Variants in BLTP3B observed in about 807,000 individuals in gnomAD.
The protein encoded by BLTP3B is bridge-like lipid transfer protein family member 3B.
chr12:100,142,811 T>G, the BLTP3B span: 1 of 925,340 alleles, frequency 1.1e-6, no homozygotes, highest in Non-Finnish European at 1.5e-6. Context: ...ACCCGGAGCA[T>G]CACGCTCAGG....
At chr12:100,121,697 C>G in the BLTP3B span, among the ~76,000 whole-genome samples, 2 of 151,944 alleles carry the variant, frequency 1.3e-5, no homozygotes. Flanking sequence ...GGCGTGGTGG[C>G]GCCCGCCTAT....
the BLTP3B span, among the ~76,000 whole-genome samples, chr12:100,106,020 A>G: frequency 1.1e-4 from 17 of 152,328 alleles, no homozygotes; most frequent in African/African-American, 3.8e-4. Context: ...ACCTTTTTCC[A>G]GCCAGAATGG....
chr12:100,043,368 C>T, the BLTP3B span, among the ~76,000 whole-genome samples: 1 of 152,166 alleles, frequency 6.6e-6, no homozygotes, highest in Non-Finnish European at 1.5e-5. Context: ...ACTTGTTTTG[C>T]CAGCCTTGCC....
At chr12:100,075,159 G>A in the BLTP3B span, among the ~76,000 whole-genome samples, 14 of 151,730 alleles carry the variant, frequency 9.2e-5, no homozygotes, top group African/African-American at 3.2e-4. Context: ...TTACAGGCGC[G>A]CACCACCACG....
chr12:100,091,494 T>A, the BLTP3B span, among the ~76,000 whole-genome samples: 1 of 150,134 alleles, frequency 6.7e-6, no homozygotes. Context: ...GGCCCCTAAT[T>A]TTGTATTTTA....
the BLTP3B span, chr12:100,108,695 T>C: frequency 4.6e-5 from 29 of 631,374 alleles, no homozygotes; most frequent in South Asian, 5.1e-4. Flanking sequence ...GAAAATGTGG[T>C]ACATATACAC....
the BLTP3B span, among the ~76,000 whole-genome samples, chr12:100,064,106 G>A: frequency 6.6e-6 from 1 of 152,002 alleles, no homozygotes; most frequent in Non-Finnish European, 1.5e-5. Flanking sequence ...AAAACTTCAG[G>A]AATAAATAGA....
the BLTP3B span, among the ~76,000 whole-genome samples, chr12:100,107,181 G>A: frequency 1.3e-5 from 2 of 150,764 alleles, no homozygotes; most frequent in Non-Finnish European, 2.9e-5. Flanking sequence ...CCAGCTACTT[G>A]GAAGGCTGAG....
At chr12:100,095,652 A>T in the BLTP3B span, 1 of 1,581,314 alleles carries the variant, frequency 6.3e-7, no homozygotes, top group African/African-American at 1.4e-5. Context: ...TTTTCCTGTT[A>T]ACTTTATAGC....
the BLTP3B span, among the ~76,000 whole-genome samples, chr12:100,064,075 T>C: frequency 3.8e-3 from 573 of 152,008 alleles, 3 homozygotes; most frequent in African/African-American, 0.013. Flanking sequence ...TTCAAGGAAA[T>C]AGCATAAATA....
the BLTP3B span, among the ~76,000 whole-genome samples, chr12:100,099,784 T>C: frequency 3.6e-4 from 54 of 151,492 alleles, no homozygotes; most frequent in Middle Eastern, 3.4e-3. Context: ...ATTAATTAGC[T>C]GGACATGGTG....
the BLTP3B span, among the ~76,000 whole-genome samples, chr12:100,134,488 C>T: frequency 6.6e-6 from 1 of 151,872 alleles, no homozygotes; most frequent in East Asian, 1.9e-4. Context: ...ATGGTGGCGG[C>T]TGCCTGTAAT....
At chr12:100,071,254 C>G in the BLTP3B span, among the ~76,000 whole-genome samples, 5 of 151,768 alleles carry the variant, frequency 3.3e-5, no homozygotes, top group African/African-American at 9.7e-5. Context: ...CCCAGCACTT[C>G]GGGAGGCTGA....
chr12:100,074,287 C>T, the BLTP3B span, among the ~76,000 whole-genome samples: 1 of 151,992 alleles, frequency 6.6e-6, no homozygotes, highest in Admixed American at 6.6e-5. Flanking sequence ...ATACATCTAA[C>T]CAAAAGATAA....
At chr12:100,110,585 T>C in the BLTP3B span, among the ~76,000 whole-genome samples, 3 of 152,146 alleles carry the variant, frequency 2.0e-5, no homozygotes, top group Non-Finnish European at 2.9e-5. Context: ...GAGTTTTCAG[T>C]TTAGTTGGTG....
chr12:100,051,775 C>G, the BLTP3B span: 1 of 152,140 alleles, frequency 6.6e-6, no homozygotes, highest in Non-Finnish European at 1.5e-5. Context: ...AGTGAACAAG[C>G]CTGGGTGTGG....
the BLTP3B span, among the ~76,000 whole-genome samples, chr12:100,091,029 CTTTT>C: frequency 2.1e-5 from 3 of 139,806 alleles, no homozygotes; most frequent in Non-Finnish European, 3.1e-5. Context: ...ATGAATAATC[CTTTT>C]TTTTTTTTTT....
the BLTP3B span, among the ~76,000 whole-genome samples, chr12:100,074,791 T>C: frequency 1.3e-5 from 2 of 151,998 alleles, no homozygotes; most frequent in Admixed American, 6.6e-5. Context: ...TACATAACTA[T>C]ACTATAAGGA....
the BLTP3B span, among the ~76,000 whole-genome samples, chr12:100,070,368 C>T: frequency 6.6e-6 from 1 of 151,614 alleles, no homozygotes; most frequent in Middle Eastern, 3.4e-3. Flanking sequence ...CTCACCACAA[C>T]CTCTGCCTCC....
Sources: gnomAD v4.1 joint callset for allele counts (sites outside exome capture counted in the v4.1 genomes callset) on GRCh38, gnomAD v4.1.1 for gene constraint, MANE v1.5 for transcripts, NCBI Gene and HGNC (gene_info 2026-07-23, HGNC 2026-07-21) for gene names.